Variants in ABCC5 observed in about 807,000 individuals in gnomAD.
The protein encoded by ABCC5 is ATP binding cassette subfamily C member 5.
ABCC5 carries 61 observed loss-of-function variants against 160.9 expected under a neutral mutation model. The ratio of observed to expected loss-of-function variants is 0.38; its 90% CI spans 0.31 to 0.47. The LOEUF (loss-of-function observed/expected upper bound fraction) is 0.47. ABCC5 is among the 20% of genes least tolerant of loss of function. The pLI is 0.99. For synonymous variants in ABCC5, 666 were observed against 700.6 expected (o/e 0.95, Z 0.78); for missense variants, 1,308 against 1,813.3 (o/e 0.72, Z 5.06).
At position 183,961,746 on chromosome 3, in the gene ABCC5, G is replaced by A. The variant is rs1228588766; in HGVS notation, c.2236-92C>T. The A allele has an allele frequency of 2.1e-5, 30 of 1,445,816 alleles. No homozygotes were observed. In the East Asian group the frequency reaches 3.7e-4, roughly 18 times the overall value. 89.6% of individuals were successfully genotyped at this position (1,445,816 alleles called of 1,614,324 possible). ...AGTTCAGTAGTTCTCTACAGGAGACGAGTTAAGCTCCCAGAAGACATTTGG... is the reference window on the plus strand; with the variant it reads ...AGTTCAGTAGTTCTCTACAGGAGACAAGTTAAGCTCCCAGAAGACATTTGG... On this transcript the variant is annotated intron_variant, in intron 15 of 29. Coordinates refer to ENST00000334444, the MANE Select transcript of ABCC5 (RefSeq NM_005688.4).
intron 2 of ABCC5, chr3:184,000,999 TCAC>T (rs2108897743): frequency 2.5e-6 from 1 of 392,442 alleles, no homozygotes; most frequent in South Asian, 1.4e-4. Context: ...ATGCCTGTCA[TCAC>T]AACACTTTGG....
rs1245576464 is a variant in ABCC5 at position 183,963,624 on chromosome 3, G to A, written c.2032-36C>T. On this transcript the variant is annotated intron_variant, in intron 14 of 29. Transcript: ENST00000334444. This position sits in a 1 kb window ranked among gnomAD's most constrained non-coding sequence, Gnocchi z 4.6. ...CCAGAAGTGTGGTGAAGCCTCCAGC[G>A]CAAGTCCAGAACAGCGTGGAGGGGT... The A allele has an allele frequency of 1.1e-5, 17 of 1,607,514 alleles. No homozygotes were observed. The highest frequency in any genetic ancestry group is 6.7e-5 in the East Asian group (3 of 44,834).
In ABCC5 at chr3:183,951,819, A is replaced by G. The variant is rs527598124; in HGVS notation, c.2814+38T>C. 2.0e-5 allele frequency: 32 copies of G among 1,599,936 alleles called. No individual in the cohort carries two copies. Among genetic ancestry groups the G allele is most frequent in the African/African-American group, 1.5e-4 (11 of 74,748 alleles). Reference sequence around the variant, plus strand: ...CCACACCAAAGCCTGACCACAGGTCACCAGGGAGGAGGGCAGAGACCACCC... The same window carrying G: ...CCACACCAAAGCCTGACCACAGGTCGCCAGGGAGGAGGGCAGAGACCACCC... On this transcript the variant is annotated intron_variant, in intron 19 of 29. Transcript: ENST00000334444. The surrounding 1 kb of genome is among the most constrained non-coding windows in gnomAD (Gnocchi z 4.7).
At position 183,994,764 on chromosome 3, in the gene ABCC5, C is replaced by T. The variant is rs185272650; in HGVS notation, c.130-5381G>A. On this transcript the variant is annotated intron_variant, in intron 2 of 29. Transcript: ENST00000334444. ...TAATTTGCACTACCCTAATGGTGAACGAATAATGTTTAACATCTATGTGTA... is the reference window on the plus strand; with the variant it reads ...TAATTTGCACTACCCTAATGGTGAATGAATAATGTTTAACATCTATGTGTA... Among the ~76,000 whole-genome samples, 1,205 of 151,798 alleles carry T rather than the reference C, an allele frequency of 7.9e-3. 8 individuals carry two copies. The highest frequency in any genetic ancestry group is 0.012 in the Non-Finnish European group (828 of 67,972).
At chr3:184,014,505 G>A (rs2108936907) in intron 1 of ABCC5, 58 bp from the exon 2 acceptor site, 4 of 1,036,716 alleles carry the variant, frequency 3.9e-6, no homozygotes, top group East Asian at 3.2e-5. Context: ...TTAACCATAA[G>A]CTCAAGTGCC....
intron 12 of ABCC5, 30 bp downstream of exon 12, chr3:183,967,665 A>G (rs771223572): frequency 1.3e-6 from 2 of 1,582,624 alleles, no homozygotes; most frequent in Admixed American, 1.7e-5. Flanking sequence ...CAGAGAAAGC[A>G]GCAGAAAAGG....
chr3:184,013,625 G>A (rs781084226), intron 2 of ABCC5, among the ~76,000 whole-genome samples: 8 of 152,080 alleles, frequency 5.3e-5, no homozygotes, highest in Non-Finnish European at 8.8e-5. Context: ...CATGAATGAA[G>A]CTTAATTGGC....
At chr3:183,974,311 A>G (rs1329672424) in intron 10 of ABCC5, among the ~76,000 whole-genome samples, 4 of 152,078 alleles carry the variant, frequency 2.6e-5, no homozygotes, top group Non-Finnish European at 5.9e-5. Context: ...TAATTAATGT[A>G]TTTATTTATT....
At chr3:183,981,194 A>G (rs1227656474) in intron 8 of ABCC5, among the ~76,000 whole-genome samples, 1 of 152,052 alleles carries the variant, frequency 6.6e-6, no homozygotes, top group Non-Finnish European at 1.5e-5. Flanking sequence ...CACTGGTTCA[A>G]TTTGTGTTGA....
intron 5 of ABCC5, chr3:183,983,659 G>A (rs1262212050): frequency 1.9e-5 from 16 of 853,362 alleles, no homozygotes; most frequent in African/African-American, 3.7e-5. Context: ...CAGCCCCCAA[G>A]AACCACCGAG....
At chr3:184,009,409 TGC>T (rs1172616137) in intron 2 of ABCC5, among the ~76,000 whole-genome samples, 1 of 152,202 alleles carries the variant, frequency 6.6e-6, no homozygotes, top group Non-Finnish European at 1.5e-5. Flanking sequence ...TTGCAATCTC[TGC>T]CCAATTAACT....
At position 183,977,599 on chromosome 3, in the gene ABCC5, T is replaced by C. The variant is rs1718332853; in HGVS notation, c.1322A>G (p.Asn441Ser). 1.9e-6 allele frequency: 3 copies of C among 1,613,908 alleles called. No homozygotes were observed. Among genetic ancestry groups the C allele is most frequent in the African/African-American group, 2.7e-5 (2 of 74,928 alleles). ...AQAFTVVTVFNSMTFALKVTP... is the reference protein window; with the variant it reads ...AQAFTVVTVFSSMTFALKVTP... ...TACTTTCAAAGCAAAAGTCATGGAA[T>C]TGAAGACTGTCACCACTGTGAAAGC... The change falls in exon 10 of 30, where the codon AAT becomes AGT. Residue 441 changes from asparagine to serine, a missense_variant. By Grantham distance (46) the Asn-to-Ser change is conservative. Transcript: ENST00000334444.
chr3:183,993,961 CT>C (rs746329198), intron 2 of ABCC5, among the ~76,000 whole-genome samples: 3,544 of 133,188 alleles, frequency 0.027, 76 homozygotes, highest in African/African-American at 0.087. Flanking sequence ...GGAGATCTCA[CT>C]TTTTTTTTTT....
rs1034034961 is a variant in ABCC5 at position 184,007,203 on chromosome 3, G to T, written c.129+7061C>A. ...GCCCAGCTAATTTTTTGTATTTTTAGTAGAGGCAGGGTTTCACCATGTTAG... is the reference window on the plus strand; with the variant it reads ...GCCCAGCTAATTTTTTGTATTTTTATTAGAGGCAGGGTTTCACCATGTTAG... On this transcript the variant is annotated intron_variant, in intron 2 of 29. Transcript: ENST00000334444. 3.3e-5 allele frequency among the ~76,000 whole-genome samples: 5 copies of T among 151,486 alleles called. No individual in the cohort carries two copies. In the South Asian group the frequency reaches 1.0e-3, roughly 32 times the overall value.
intron 28 of ABCC5, 77 bp from the exon 29 acceptor site, chr3:183,925,796 G>T: frequency 9.6e-6 from 13 of 1,348,798 alleles, no homozygotes; most frequent in South Asian, 5.6e-5. Context: ...TTACTAAAAT[G>T]TATTTCATTT....
intron 2 of ABCC5, among the ~76,000 whole-genome samples, chr3:184,001,703 C>T (rs1162600954): frequency 2.6e-5 from 4 of 152,194 alleles, no homozygotes; most frequent in African/African-American, 9.7e-5. Context: ...AGCTGAAGAG[C>T]TAACACAGTT....
intron 12 of ABCC5, among the ~76,000 whole-genome samples, 187 bp from the exon 13 acceptor site, chr3:183,965,688 G>A (rs1251562145): frequency 6.6e-6 from 1 of 152,160 alleles, no homozygotes; most frequent in Non-Finnish European, 1.5e-5. Flanking sequence ...AGTTCTCCTT[G>A]CTTATGTGTG....
chr3:183,940,513 G>T (rs186943118), intron 25 of ABCC5, among the ~76,000 whole-genome samples: 97 of 150,372 alleles, frequency 6.5e-4, no homozygotes, highest in Middle Eastern at 6.9e-3. Flanking sequence ...CAGGGTTGGG[G>T]GACTCAGTTA....
chr3:184,007,204 T>G (rs1721293255), intron 2 of ABCC5, among the ~76,000 whole-genome samples: 1 of 151,536 alleles, frequency 6.6e-6, no homozygotes, highest in Non-Finnish European at 1.5e-5. Flanking sequence ...GTATTTTTAG[T>G]AGAGGCAGGG....
Sources: allele counts gnomAD v4.1 joint callset (sites outside exome capture counted in the v4.1 genomes callset), GRCh38; gene constraint gnomAD v4.1.1; non-coding constraint Gnocchi (gnomAD v3.1); transcripts MANE v1.5; gene names NCBI Gene and HGNC (gene_info 2026-07-23, HGNC 2026-07-21).